PARP11: variants seen among roughly 807,000 people sequenced by gnomAD.
PARP11 encodes the protein poly(ADP-ribose) polymerase family member 11, also known as protein mono-ADP-ribosyltransferase PARP11.
In PARP11, 31 loss-of-function variants were observed where a neutral mutation model predicts 42.9. The observed-to-expected ratio is 0.72, with a 90% CI of 0.54 to 0.98. PARP11 has a LOEUF of 0.98. PARP11 is among the 50% of genes least tolerant of loss of function. PARP11 has a pLI of 0.00. For missense variants in PARP11, 365 were observed against 413.1 expected (o/e 0.88, Z 1.01); for synonymous variants, 137 against 127.3 (o/e 1.08, Z -0.51).
chr12:3,819,411 G>A (rs946279217), intron 6 of PARP11, among the ~76,000 whole-genome samples: 2 of 152,042 alleles, frequency 1.3e-5, no homozygotes, highest in East Asian at 1.9e-4. Flanking sequence ...GTTGTGAAAG[G>A]CTTCTTCTTT....
intron 1 of PARP11, among the ~76,000 whole-genome samples, chr12:3,867,964 C>T (rs1446285707): frequency 3.3e-5 from 5 of 152,136 alleles, no homozygotes; most frequent in South Asian, 2.1e-4. Flanking sequence ...CATCTGACAG[C>T]GCCAGCAAAC....
intron 3 of PARP11, among the ~76,000 whole-genome samples, chr12:3,828,585 CT>C (rs1947577057): frequency 6.7e-6 from 1 of 149,664 alleles, no homozygotes; most frequent in Non-Finnish European, 1.5e-5. Context: ...CTTAAATGTT[CT>C]TATCTATTTC....
intron 1 of PARP11, among the ~76,000 whole-genome samples, chr12:3,837,458 T>A (rs1382147574): frequency 6.6e-6 from 1 of 152,014 alleles, no homozygotes; most frequent in Non-Finnish European, 1.5e-5. Flanking sequence ...ATAGACCCAC[T>A]AAAAATAAAA....
At chr12:3,838,685 A>G (rs753523435) in intron 1 of PARP11, among the ~76,000 whole-genome samples, 2 of 152,242 alleles carry the variant, frequency 1.3e-5, no homozygotes, top group Non-Finnish European at 2.9e-5. Context: ...TTCAAAAGAT[A>G]AACAAAAATG....
rs368724568 is a variant in PARP11, at chr12:3,822,553, T to C, written c.345-396A>G. Among the ~76,000 whole-genome samples, 200 of 148,332 alleles carry C rather than the reference T, an allele frequency of 1.3e-3. 1 individual carries two copies. In the South Asian group the frequency reaches 0.017, roughly 13 times the overall value. On this transcript the variant is annotated intron_variant, in intron 4 of 7. Transcript: ENST00000228820. ...GGCGGAGCTTGCAGTGAGCCGAGAT[T>C]GCGCCACTGCACTCCAGCCTGGGCG...
intron 1 of PARP11, among the ~76,000 whole-genome samples, chr12:3,871,045 A>G (rs1192383958): frequency 6.6e-6 from 1 of 152,238 alleles, no homozygotes; most frequent in Admixed American, 6.5e-5. Flanking sequence ...ATGATGCACA[A>G]GAAGGAACCA....
chr12:3,828,784 T>C, intron 3 of PARP11, 126 bp downstream of exon 3: 1 of 765,768 alleles, frequency 1.3e-6, no homozygotes, highest in South Asian at 2.1e-5. Context: ...AGAGGTATTT[T>C]TGTATATAAC....
chr12:3,848,559 C>T (rs1372975424), intron 1 of PARP11, among the ~76,000 whole-genome samples: 1 of 152,152 alleles, frequency 6.6e-6, no homozygotes, highest in Admixed American at 6.5e-5. Flanking sequence ...TGGGAACAGT[C>T]TCTTCAATAA....
intron 1 of PARP11, among the ~76,000 whole-genome samples, chr12:3,848,645 TA>T (rs1436902325): frequency 6.6e-6 from 1 of 151,970 alleles, no homozygotes; most frequent in African/African-American, 2.4e-5. Flanking sequence ...CTAACCACAT[TA>T]AAAAATCAAA....
At chr12:3,831,863 T>TA (rs1168756076) in intron 1 of PARP11, among the ~76,000 whole-genome samples, 2 of 152,150 alleles carry the variant, frequency 1.3e-5, no homozygotes, top group African/African-American at 4.8e-5. Context: ...TGCTTTTTTT[T>TA]ATTAATGTTC....
Position 3,840,115 on chromosome 12 carries a change from CA to C in PARP11, c.19-10098del. On this transcript the variant is annotated intron_variant, in intron 1 of 7. Coordinates refer to ENST00000228820, the MANE Select transcript of PARP11 (RefSeq NM_020367.6). This position sits in a 1 kb window ranked among gnomAD's most constrained non-coding sequence, Gnocchi z 4.4. Reference sequence around the variant, plus strand: ...TTGGCTGGAGTCTAAACAAGCTCAGCAAAAACGTGATTATTCCATTGCTGCT... The same window carrying C: ...TTGGCTGGAGTCTAAACAAGCTCAGCAAAACGTGATTATTCCATTGCTGCT... 1 of 1,610,318 alleles carries C rather than the reference CA, an allele frequency of 6.2e-7. No homozygotes were observed. The highest frequency in any genetic ancestry group is 8.5e-7 in the Non-Finnish European group (1 of 1,176,520).
chr12:3,859,943 G>A (rs1243882375), intron 1 of PARP11, among the ~76,000 whole-genome samples: 3 of 152,204 alleles, frequency 2.0e-5, no homozygotes, highest in Non-Finnish European at 4.4e-5. Context: ...GATGAAATTG[G>A]ATATTTGGCT....
At chr12:3,814,692 A>G (rs1211297020) in intron 6 of PARP11, among the ~76,000 whole-genome samples, 1 of 152,210 alleles carries the variant, frequency 6.6e-6, no homozygotes, top group African/African-American at 2.4e-5. Context: ...CTTCCCAAGG[A>G]TAAATCTATC....
intron 1 of PARP11, among the ~76,000 whole-genome samples, chr12:3,855,497 C>G (rs1853871087): frequency 6.6e-6 from 1 of 151,710 alleles, no homozygotes; most frequent in Non-Finnish European, 1.5e-5. Context: ...TAACAGAGAG[C>G]CAAATCATGA....
chr12:3,813,935 TATA>T, intron 7 of PARP11, 99 bp downstream of exon 7: 1 of 749,490 alleles, frequency 1.3e-6, no homozygotes, highest in Non-Finnish European at 2.1e-6. Flanking sequence ...TATCATTCTC[TATA>T]TATTTGCCAT....
intron 1 of PARP11, chr12:3,864,101 GCAAGTT>G (rs1948349491): frequency 6.6e-6 from 1 of 152,196 alleles, no homozygotes; most frequent in South Asian, 2.1e-4. Context: ...ATCAGGTTGA[GCAAGTT>G]CCTTTCTATT....
chr12:3,840,199 T>C lies in PARP11; in HGVS notation c.19-10181A>G. On this transcript the variant is annotated intron_variant, in intron 1 of 7. Coordinates refer to ENST00000228820, the MANE Select transcript of PARP11 (RefSeq NM_020367.6). The surrounding 1 kb of genome is among the most constrained non-coding windows in gnomAD (Gnocchi z 4.4). ...AGTTAGGTTGGATCACAATGGAAAATTTTTGAATGCAGACGTTCAAGGAGT... is the reference window on the plus strand; with the variant it reads ...AGTTAGGTTGGATCACAATGGAAAACTTTTGAATGCAGACGTTCAAGGAGT... 1 of 1,611,002 alleles carries C rather than the reference T, an allele frequency of 6.2e-7. No homozygotes were observed. Among genetic ancestry groups the C allele is most frequent in the East Asian group, 2.2e-5 (1 of 44,870 alleles).
chr12:3,827,736 C>T (rs1384686288), intron 3 of PARP11, among the ~76,000 whole-genome samples: 1 of 152,146 alleles, frequency 6.6e-6, no homozygotes, highest in Non-Finnish European at 1.5e-5. Flanking sequence ...CAATCCCTTA[C>T]TGGACAAATC....
rs1051059747 is a variant in PARP11 at position 3,828,914 on chromosome 12, A to G, written c.264T>C (p.Phe88=). The G allele has an allele frequency of 1.9e-6, 3 of 1,613,850 alleles. No homozygotes were observed. Among genetic ancestry groups the G allele is most frequent in the Non-Finnish European group, 2.5e-6 (3 of 1,179,836 alleles). ...TTSKFSYKID[F]AEMKQMNLTT... ...CTATTAGGGAAAAAAACATACCTGC[A>G]AAGTCTATCTTGTAGCTGAATTTGG... Residue 88 remains phenylalanine, a synonymous_variant, in exon 3 of 8, where the codon TTT becomes TTC. Coordinates refer to ENST00000228820, the MANE Select transcript of PARP11 (RefSeq NM_020367.6).
Sources: allele counts gnomAD v4.1 joint callset (sites outside exome capture counted in the v4.1 genomes callset), GRCh38; gene constraint gnomAD v4.1.1; non-coding constraint Gnocchi (gnomAD v3.1); transcripts MANE v1.5; gene names NCBI Gene and HGNC (gene_info 2026-07-23, HGNC 2026-07-21).